IRGM: variants seen among roughly 807,000 people sequenced by gnomAD.
The protein encoded by IRGM is immunity related GTPase M.
For synonymous variants in IRGM, 98 were observed against 80.6 expected, an observed-to-expected ratio of 1.22 and a Z score of -1.16; for missense variants, 288 against 219.9, an observed-to-expected ratio of 1.31 and a Z score of -1.96.
intron 1 of IRGM, among the ~76,000 whole-genome samples, chr5:150,875,356 G>C (rs922571408): frequency 1.3e-5 from 2 of 152,178 alleles, no homozygotes; most frequent in Non-Finnish European, 2.9e-5. Context: ...TGCACTTTGC[G>C]TGGAAGGAAA....
rs188258306 is a variant in IRGM, at chr5:150,877,181, C to A, written c.159-799C>A. ...GGAGGACTTGTGATGGTTAATATTG[C>A]CAACTTGATTGGAGTGAAGGATGCA... On this transcript the variant is annotated intron_variant and NMD_transcript_variant, in intron 1 of 3. Transcript: ENST00000520549. Among the ~76,000 whole-genome samples the A allele has an allele frequency of 8.5e-5, 13 of 152,188 alleles. 1 individual carries two copies. In the East Asian group the frequency reaches 2.3e-3, roughly 27 times the overall value.
intron 3 of IRGM, chr5:150,898,593 TC>T (rs1400407349): frequency 6.5e-7 from 1 of 1,537,614 alleles, no homozygotes; most frequent in South Asian, 1.3e-5. Flanking sequence ...AAATGATCAT[TC>T]TCATAATTTC....
chr5:150,893,420 C>A (rs1754650379), intron 3 of IRGM, among the ~76,000 whole-genome samples: 1 of 152,104 alleles, frequency 6.6e-6, no homozygotes, highest in African/African-American at 2.4e-5. Context: ...TTCTGTATAT[C>A]ATTTTAGAAC....
chr5:150,900,032 C>T (rs1057231287), intron 3 of IRGM, among the ~76,000 whole-genome samples: 1 of 152,014 alleles, frequency 6.6e-6, no homozygotes, highest in African/African-American at 2.4e-5. Context: ...AGCTGCCAAA[C>T]AGTTAGTTGT....
downstream of IRGM, among the ~76,000 whole-genome samples, chr5:150,853,349 G>A (rs1754003025): frequency 6.6e-6 from 1 of 151,990 alleles, no homozygotes; most frequent in South Asian, 2.1e-4. Flanking sequence ...CCTAATGTAT[G>A]GTCTCTCCTG....
chr5:150,849,772 A>G (rs188914870), downstream of IRGM, among the ~76,000 whole-genome samples: 4 of 152,030 alleles, frequency 2.6e-5, no homozygotes, highest in East Asian at 7.7e-4. Flanking sequence ...ACGCCCAGCT[A>G]ATTTTTGTAT....
intron 1 of IRGM, among the ~76,000 whole-genome samples, chr5:150,872,337 C>A (rs921893943): frequency 6.6e-6 from 1 of 152,144 alleles, no homozygotes; most frequent in Non-Finnish European, 1.5e-5. Flanking sequence ...GCTTTTCCAC[C>A]TTTGTCTGAG....
chr5:150,857,106 A>G lies in IRGM; in HGVS notation c.158+8452A>G, dbSNP rs530361489. ...CTCCCCCAACCCCACAACAGTCCCC[A>G]GTGTGTGATGTTCCCCTTCCTGTGT... On this transcript the variant is annotated intron_variant and NMD_transcript_variant, in intron 1 of 3. Coordinates refer to the IRGM transcript ENST00000520549. Among the ~76,000 whole-genome samples the G allele has an allele frequency of 9.5e-4, 143 of 149,776 alleles. 1 individual carries two copies. The highest frequency in any genetic ancestry group is 3.4e-3 in the African/African-American group (137 of 40,680).
intron 3 of IRGM, chr5:150,895,864 G>T (rs769095101): frequency 6.2e-7 from 1 of 1,613,626 alleles, no homozygotes; most frequent in Non-Finnish European, 8.5e-7. Context: ...TCCCCAGTAT[G>T]AACTAACTGA....
chr5:150,895,136 T>C (rs2113306981), intron 3 of IRGM: 1 of 273,808 alleles, frequency 3.7e-6, no homozygotes, highest in Non-Finnish European at 6.8e-6. Context: ...TATCATTTTG[T>C]AGTATAAGGA....
chr5:150,895,992 T>C, intron 3 of IRGM: 3 of 1,613,562 alleles, frequency 1.9e-6, no homozygotes, highest in Non-Finnish European at 2.5e-6. Flanking sequence ...ACAGAAGGCT[T>C]TCCCACATTC....
chr5:150,862,185 A>T (rs1754146261), intron 1 of IRGM, among the ~76,000 whole-genome samples: 1 of 152,258 alleles, frequency 6.6e-6, no homozygotes, highest in Admixed American at 6.5e-5. Flanking sequence ...GTTCCTTGCC[A>T]TGTGGCACTT....
At position 150,881,770 on chromosome 5, in the gene IRGM, T is replaced by A. The variant is rs189879611; in HGVS notation, c.*140+2124T>A. ...GGGGCAGTAAAAGATTAGAGTTTTT[T>A]AATGTGATCAAAGATAAGTTGCTAT... On this transcript the variant is annotated intron_variant and NMD_transcript_variant, in intron 3 of 3. Transcript: ENST00000520549. Among the ~76,000 whole-genome samples, 3 of 152,324 alleles carry A rather than the reference T, an allele frequency of 2.0e-5. No individual in the cohort carries two copies. In the East Asian group the frequency reaches 5.8e-4, roughly 29 times the overall value.
At chr5:150,870,653 G>T (rs1754270241) in intron 1 of IRGM, among the ~76,000 whole-genome samples, 1 of 151,608 alleles carries the variant, frequency 6.6e-6, no homozygotes, top group South Asian at 2.1e-4. Context: ...TTTTTTCCTG[G>T]TCCTAGGATG....
intron 1 of IRGM, among the ~76,000 whole-genome samples, chr5:150,876,794 G>A (rs1418655621): frequency 6.6e-6 from 1 of 152,200 alleles, no homozygotes; most frequent in Non-Finnish European, 1.5e-5. Context: ...TACAGAATGG[G>A]TAGTAGAATA....
At chr5:150,872,537 A>C (rs190156653) in intron 1 of IRGM, among the ~76,000 whole-genome samples, 4 of 152,332 alleles carry the variant, frequency 2.6e-5, no homozygotes, top group Admixed American at 2.6e-4. Flanking sequence ...TGAGTTTTCT[A>C]ATTTATATAA....
chr5:150,857,797 T>G (rs1272294452), intron 1 of IRGM, among the ~76,000 whole-genome samples: 1 of 152,216 alleles, frequency 6.6e-6, no homozygotes, highest in Admixed American at 6.5e-5. Context: ...TCTTGTAAAT[T>G]TGTTTGAGTT....
chr5:150,883,510 T>G (rs1342350175), intron 3 of IRGM, among the ~76,000 whole-genome samples: 1 of 151,426 alleles, frequency 6.6e-6, no homozygotes, highest in East Asian at 1.9e-4. Context: ...TTAGCTAGAC[T>G]AAGAAAAAAA....
chr5:150,881,580 C>A (rs1754445841), intron 3 of IRGM, among the ~76,000 whole-genome samples: 1 of 151,924 alleles, frequency 6.6e-6, no homozygotes, highest in African/African-American at 2.4e-5. Context: ...ATTCAAAATG[C>A]CCTAATACTA....
Sources: allele counts gnomAD v4.1 joint callset (sites outside exome capture counted in the v4.1 genomes callset), GRCh38; gene constraint gnomAD v4.1.1; transcripts MANE v1.5; gene names NCBI Gene and HGNC (gene_info 2026-07-23, HGNC 2026-07-21).